Variants in VPS53 observed in about 807,000 individuals in gnomAD.
VPS53 encodes the protein VPS53 subunit of GARP complex.
A neutral mutation model predicts 107.0 loss-of-function variants in VPS53; 70 were observed. That is an observed-to-expected ratio of 0.65 (90% confidence interval 0.54 to 0.80). VPS53 has a LOEUF of 0.80. Among genes scored for constraint, VPS53 ranks in the 30% least tolerant of loss-of-function variants. The pLI is 0.00. For synonymous variants in VPS53, 409 were observed against 393.3 expected, an observed-to-expected ratio of 1.04 and a Z score of -0.47; for missense variants, 917 against 1,049.4, an observed-to-expected ratio of 0.87 and a Z score of 1.74.
intron 12 of VPS53, among the ~76,000 whole-genome samples, chr17:594,282 C>T (rs1024516081): frequency 3.3e-5 from 5 of 152,228 alleles, no homozygotes; most frequent in Non-Finnish European, 5.9e-5. Flanking sequence ...CTAACCTGCA[C>T]ATTGTGCACA....
chr17:694,278 C>T (rs1422473305), intron 4 of VPS53, among the ~76,000 whole-genome samples: 1 of 152,226 alleles, frequency 6.6e-6, no homozygotes, highest in Non-Finnish European at 1.5e-5. Context: ...ACGACCTGCT[C>T]TGCTGCGGCA....
chr17:699,077 G>A (rs1377381305), intron 3 of VPS53, among the ~76,000 whole-genome samples: 3 of 152,078 alleles, frequency 2.0e-5, no homozygotes, highest in Non-Finnish European at 2.9e-5. Flanking sequence ...TAAGGCAGGA[G>A]AATCACTTGA....
intron 4 of VPS53, among the ~76,000 whole-genome samples, chr17:663,158 A>G (rs145748204): frequency 0.053 from 8,002 of 151,892 alleles, 273 homozygotes; most frequent in Middle Eastern, 0.15. Flanking sequence ...AACTGTGATC[A>G]TGCCACTGCA....
At chr17:572,115 C>T (rs1597321254) in intron 13 of VPS53, among the ~76,000 whole-genome samples, 1 of 151,648 alleles carries the variant, frequency 6.6e-6, no homozygotes, top group African/African-American at 2.4e-5. Context: ...TCTTCCCGGC[C>T]GCCATCCCAT....
intron 4 of VPS53, among the ~76,000 whole-genome samples, chr17:672,985 G>A (rs923445143): frequency 4.3e-4 from 66 of 152,050 alleles, no homozygotes; most frequent in Middle Eastern, 3.4e-3. Flanking sequence ...GGTGGCGGGC[G>A]CCTGTAGTCC....
intron 4 of VPS53, among the ~76,000 whole-genome samples, chr17:669,682 A>G (rs1420231635): frequency 3.3e-5 from 5 of 151,642 alleles, no homozygotes. Context: ...TCATGAGGTC[A>G]AGAGATCAAG....
intron 11 of VPS53, among the ~76,000 whole-genome samples, chr17:612,029 T>C (rs1351550084): frequency 1.3e-5 from 2 of 150,908 alleles, no homozygotes; most frequent in African/African-American, 2.4e-5. Flanking sequence ...TGAAAACCTG[T>C]ACAAATATTC....
intron 13 of VPS53, among the ~76,000 whole-genome samples, chr17:573,159 T>G (rs1324278388): frequency 1.3e-5 from 2 of 152,226 alleles, no homozygotes; most frequent in Non-Finnish European, 2.9e-5. Flanking sequence ...TGGGCAGATA[T>G]GGAGTCACCA....
intron 4 of VPS53, among the ~76,000 whole-genome samples, chr17:667,094 G>A (rs891592162): frequency 3.3e-5 from 5 of 152,194 alleles, no homozygotes; most frequent in African/African-American, 9.7e-5. Flanking sequence ...AGTCTGCCAC[G>A]TCTGCCACCT....
At chr17:649,794 C>A (rs1970866416) in intron 7 of VPS53, among the ~76,000 whole-genome samples, 1 of 152,220 alleles carries the variant, frequency 6.6e-6, no homozygotes, top group Non-Finnish European at 1.5e-5. Context: ...AACAGGCAAC[C>A]CAGTGCTTTA....
intron 3 of VPS53, among the ~76,000 whole-genome samples, chr17:698,656 C>T (rs1247999173): frequency 6.6e-6 from 1 of 150,926 alleles, no homozygotes; most frequent in African/African-American, 2.4e-5. Context: ...TGAGCTGTAA[C>T]TGCACCAGTA....
rs377338150 is a variant in VPS53, at chr17:562,604, G to A, written c.1455C>T (p.Cys485=). The stretch of plus-strand genomic sequence containing the variant: ...TGGGCTCCCCAGTACTGAGCTGAGA[G>A]CATTGCACCATGCACTTCTTGTAGT... ...FVYYKKCMVQ[C]SQLSTGEPMI... Residue 485 remains cysteine (C), a synonymous_variant, in exon 14 of 22, where the codon TGC becomes TGT. Coordinates refer to ENST00000437048, the MANE Select transcript of VPS53 (RefSeq NM_001128159.3). 7 of 1,614,026 alleles carry A rather than the reference G, an allele frequency of 4.3e-6. No homozygotes were observed. The highest frequency in any genetic ancestry group is 5.9e-6 in the Non-Finnish European group (7 of 1,179,996).
chr17:659,756 G>C (rs1309252922), intron 5 of VPS53, among the ~76,000 whole-genome samples: 1 of 148,930 alleles, frequency 6.7e-6, no homozygotes. Flanking sequence ...TTCTCTCTAT[G>C]TCCTAAATAT....
At chr17:710,336 A>G (rs1016732882) in intron 2 of VPS53, among the ~76,000 whole-genome samples, 197 bp downstream of exon 2, 2 of 152,154 alleles carry the variant, frequency 1.3e-5, no homozygotes, top group Admixed American at 1.3e-4. Context: ...ATTATTAATA[A>G]TATGTTCACT....
Position 524,615 on chromosome 17 carries a change from A to G in VPS53, c.2086-2877T>C, listed in dbSNP as rs1209421232. Among the ~76,000 whole-genome samples, 4 of 152,252 alleles carry G rather than the reference A, an allele frequency of 2.6e-5. No homozygotes were observed. Among genetic ancestry groups the G allele is most frequent in the Non-Finnish European group, 5.9e-5 (4 of 68,046 alleles). ...GAGGAAACTCAAATGCCCGAAAGGC[A>G]TATGAAATGACACGCAACCTGGTTA... On this transcript the variant is annotated intron_variant, in intron 19 of 21. Transcript: ENST00000437048. The surrounding 1 kb of genome is among the most constrained non-coding windows in gnomAD (Gnocchi z 4.5).
At position 573,379 on chromosome 17, in the gene VPS53, C is replaced by T. The variant is rs553768127; in HGVS notation, c.1314-10634G>A. On this transcript the variant is annotated intron_variant, in intron 13 of 21. Coordinates refer to ENST00000437048, the MANE Select transcript of VPS53 (RefSeq NM_001128159.3). ...AACCTGCTAGTGGCCATCCCCACTT[C>T]CTGCCTCCTCCCTGAGTACTGGCTC... Among the ~76,000 whole-genome samples the T allele has an allele frequency of 2.6e-5, 4 of 152,358 alleles. No homozygotes were observed. In the South Asian group the frequency reaches 8.3e-4, roughly 32 times the overall value.
At chr17:539,206 A>G (rs2151817130) in intron 17 of VPS53, 1 of 152,378 alleles carries the variant, frequency 6.6e-6, no homozygotes, top group South Asian at 2.1e-4. Flanking sequence ...GCCCTCCATG[A>G]AAGAAGGTGG....
intron 11 of VPS53, among the ~76,000 whole-genome samples, chr17:611,479 T>C (rs1288168583): frequency 6.6e-6 from 1 of 152,220 alleles, no homozygotes; most frequent in Non-Finnish European, 1.5e-5. Context: ...CCCTCCTACA[T>C]TGTGGGTAGA....
intron 7 of VPS53, among the ~76,000 whole-genome samples, chr17:639,186 C>T (rs1459452896): frequency 1.3e-5 from 2 of 152,160 alleles, no homozygotes; most frequent in African/African-American, 4.8e-5. Flanking sequence ...ATCACTGATA[C>T]CCTTTCTTCC....
Sources: allele counts gnomAD v4.1 joint callset (sites outside exome capture counted in the v4.1 genomes callset), GRCh38; gene constraint gnomAD v4.1.1; non-coding constraint Gnocchi (gnomAD v3.1); transcripts MANE v1.5; gene names NCBI Gene and HGNC (gene_info 2026-07-23, HGNC 2026-07-21).